The following FAM13B variants were observed in gnomAD, a reference collection of about 807,000 sequenced individuals.
FAM13B encodes family with sequence similarity 13 member B.
FAM13B carries 60 observed loss-of-function variants against 117.3 expected under a neutral mutation model. The ratio of observed to expected loss-of-function variants is 0.51; its 90% CI spans 0.42 to 0.63. FAM13B has a LOEUF of 0.63. FAM13B is among the 30% of genes least tolerant of loss of function. FAM13B has a pLI of 0.00. For synonymous variants in FAM13B, 332 were observed against 356.1 expected, an observed-to-expected ratio of 0.93 and a Z score of 0.76; for missense variants, 972 against 1,091.9, an observed-to-expected ratio of 0.89 and a Z score of 1.55.
At chr5:137,955,288 A>G (rs1237441071) in intron 14 of FAM13B, among the ~76,000 whole-genome samples, 1 of 152,166 alleles carries the variant, frequency 6.6e-6, no homozygotes, top group Non-Finnish European at 1.5e-5. Context: ...CCAAAGGAGG[A>G]GCTAATTCAC....
intron 4 of FAM13B, among the ~76,000 whole-genome samples, chr5:138,017,766 T>C (rs918145707): frequency 6.6e-6 from 1 of 152,200 alleles, no homozygotes; most frequent in Non-Finnish European, 1.5e-5. Flanking sequence ...AGATACATCT[T>C]TTTTTGTTTC....
At chr5:137,992,738 G>A (rs1778928719) in intron 7 of FAM13B, among the ~76,000 whole-genome samples, 1 of 152,204 alleles carries the variant, frequency 6.6e-6, no homozygotes, top group Non-Finnish European at 1.5e-5. Context: ...ATTAGTTAAT[G>A]CCAAGTGTTG....
At chr5:138,041,409 A>G (rs1449775415) in intron 1 of FAM13B, among the ~76,000 whole-genome samples, 1 of 152,232 alleles carries the variant, frequency 6.6e-6, no homozygotes. Context: ...AGGCTAAATA[A>G]GTCTATAATT....
intron 10 of FAM13B, among the ~76,000 whole-genome samples, chr5:137,966,478 TATATATATATAGAGAGAGAG>T (rs1225045660): frequency 3.1e-5 from 2 of 64,416 alleles, no homozygotes; most frequent in African/African-American, 1.1e-4. Context: ...TATATATATA[TATATATATATAGAGAGAGAG>T]AGAGAGAGAG....
chr5:137,994,328 C>A (rs760011280), intron 7 of FAM13B, among the ~76,000 whole-genome samples: 10 of 152,192 alleles, frequency 6.6e-5, no homozygotes, highest in Non-Finnish European at 1.5e-4. Context: ...ATGAATTGTA[C>A]AACTTTGTTC....
intron 1 of FAM13B, 110 bp from the exon 2 acceptor site, chr5:138,021,307 T>A (rs1043416808): frequency 2.3e-6 from 2 of 856,996 alleles, no homozygotes; most frequent in African/African-American, 3.5e-5. Context: ...TATTGAAAGG[T>A]ATTCTTCTGT....
rs1760877979 is a variant in FAM13B at position 137,938,878 on chromosome 5, A to C, written c.*1347T>G. 1 of 152,266 alleles carries C rather than the reference A, an allele frequency of 6.6e-6. No individual in the cohort carries two copies. The highest frequency in any genetic ancestry group is 2.1e-4 in the South Asian group (1 of 4,824). The allele number at this position is 152,266 out of a possible 1,614,324, so 9.4% of individuals were successfully genotyped here. A position where few individuals can be genotyped will look rare whatever the true frequency, so the allele number is the denominator to read the frequency against. On this transcript the variant is annotated 3_prime_UTR_variant, in exon 24 of 24. Transcript: ENST00000689681. Reference sequence around the variant, plus strand: ...ATGCATGAGTCATTGCATGCAAAACATGGGTATAGTCAAAGTGAGACAGTC... The same window carrying C: ...ATGCATGAGTCATTGCATGCAAAACCTGGGTATAGTCAAAGTGAGACAGTC...
intron 13 of FAM13B, among the ~76,000 whole-genome samples, chr5:137,958,350 C>T (rs1262686939): frequency 2.0e-5 from 3 of 151,996 alleles, no homozygotes; most frequent in African/African-American, 7.3e-5. Flanking sequence ...TGCCAAACAT[C>T]TAGACCTATA....
rs1269032826 is a variant in FAM13B at position 137,966,309 on chromosome 5, C to T, written c.1180-3840G>A. On this transcript the variant is annotated intron_variant, in intron 10 of 23. Coordinates refer to ENST00000689681, the MANE Select transcript of FAM13B (RefSeq NM_001385994.1). ...AAAATTAGCTGGGCGTGGTGGTACACGCCTGTAATCCCAGCTACATGGGAG... is the reference window on the plus strand; with the variant it reads ...AAAATTAGCTGGGCGTGGTGGTACATGCCTGTAATCCCAGCTACATGGGAG... Among the ~76,000 whole-genome samples, 6 of 151,100 alleles carry T rather than the reference C, an allele frequency of 4.0e-5. No individual in the cohort carries two copies. In the South Asian group the frequency reaches 8.4e-4, roughly 21 times the overall value.
intron 2 of FAM13B, 76 bp downstream of exon 2, chr5:138,020,955 T>C (rs1561539163): frequency 1.0e-5 from 10 of 972,034 alleles, no homozygotes; most frequent in Admixed American, 4.3e-5. Context: ...TTAAATCAAA[T>C]AGCAGCTACA....
intron 1 of FAM13B, among the ~76,000 whole-genome samples, chr5:138,025,817 A>G (rs746420631): frequency 1.3e-5 from 2 of 152,236 alleles, no homozygotes; most frequent in Non-Finnish European, 2.9e-5. Context: ...CCTGATTAAC[A>G]CAAACAATCC....
At chr5:137,945,860 C>G in intron 20 of FAM13B, 42 bp downstream of exon 20, 1 of 1,461,926 alleles carries the variant, frequency 6.8e-7, no homozygotes, top group Non-Finnish European at 9.5e-7. Context: ...AAGAGTACAT[C>G]TTGATAAAAT....
intron 14 of FAM13B, among the ~76,000 whole-genome samples, chr5:137,956,031 G>A (rs1388289913): frequency 6.6e-6 from 1 of 152,154 alleles, no homozygotes; most frequent in Non-Finnish European, 1.5e-5. Flanking sequence ...CAAAATTCAA[G>A]AGTGATGTTT....
intron 1 of FAM13B, among the ~76,000 whole-genome samples, 184 bp from the exon 2 acceptor site, chr5:138,021,381 T>C (rs1365708594): frequency 6.6e-6 from 1 of 152,080 alleles, no homozygotes. Flanking sequence ...TGATGGAAAA[T>C]TGGAGAAGAA....
In FAM13B at chr5:138,018,440, C is replaced by A; in HGVS notation, c.232G>T (p.Asp78Tyr). Residue 78 changes from aspartate to tyrosine, a missense_variant, in exon 4 of 24, where the codon GAC (aspartate) becomes TAC (tyrosine). Physicochemically the swap from Asp to Tyr is radical, Grantham distance 160. Coordinates refer to ENST00000689681, the MANE Select transcript of FAM13B (RefSeq NM_001385994.1). Reference protein sequence around the residue: ...ETVEWLRQRYDSGEEVDLVKE... With the variant: ...ETVEWLRQRYYSGEEVDLVKE... Reference sequence around the variant, plus strand: ...ACCAAATCCACCTCTTCTCCGCTGTCGTATCTCTGCCGAAGCCACTCCACT... The same window carrying A: ...ACCAAATCCACCTCTTCTCCGCTGTAGTATCTCTGCCGAAGCCACTCCACT... The A allele has an allele frequency of 6.2e-7, 1 of 1,614,144 alleles. No individual in the cohort carries two copies. The highest frequency in any genetic ancestry group is 1.1e-5 in the South Asian group (1 of 91,072).
chr5:137,962,772 C>T (rs1486169671), intron 10 of FAM13B, among the ~76,000 whole-genome samples: 3 of 152,030 alleles, frequency 2.0e-5, no homozygotes, highest in Non-Finnish European at 4.4e-5. Flanking sequence ...TCTGATCCTG[C>T]TTGCCAACTG....
intron 1 of FAM13B, among the ~76,000 whole-genome samples, chr5:138,042,029 C>G (rs1404068865): frequency 1.3e-5 from 2 of 152,148 alleles, no homozygotes; most frequent in Non-Finnish European, 2.9e-5. Context: ...CCACTGCACT[C>G]CAGCCTGCAC....
chr5:137,952,032 A>C (rs755640433), intron 17 of FAM13B, among the ~76,000 whole-genome samples: 6 of 152,146 alleles, frequency 3.9e-5, no homozygotes, highest in African/African-American at 7.2e-5. Flanking sequence ...ATTTAAACCA[A>C]AGTGATGCTC....
At chr5:137,964,787 CT>C (rs938910272) in intron 10 of FAM13B, among the ~76,000 whole-genome samples, 10 of 152,120 alleles carry the variant, frequency 6.6e-5, no homozygotes, top group African/African-American at 2.4e-4. Context: ...CTCTGCCTTT[CT>C]CATCACAAAT....
Sources: gnomAD v4.1 joint callset for allele counts (sites outside exome capture counted in the v4.1 genomes callset) on GRCh38, gnomAD v4.1.1 for gene constraint, MANE v1.5 for transcripts, NCBI Gene and HGNC (gene_info 2026-07-23, HGNC 2026-07-21) for gene names.